MARCHF7: variants seen among roughly 807,000 people sequenced by gnomAD.
MARCHF7 encodes E3 ubiquitin-protein ligase MARCHF7.
In MARCHF7, 20 loss-of-function variants were observed where a neutral mutation model predicts 76.5. That is an observed-to-expected ratio of 0.26 (90% CI 0.18 to 0.38). The LOEUF (loss-of-function observed/expected upper bound fraction) is 0.38, where lower values mean the gene tolerates loss of function less well. Among genes scored for constraint, MARCHF7 ranks in the 10% least tolerant of loss-of-function variants. The pLI is 1.00. For synonymous variants in MARCHF7, 295 were observed against 293.0 expected, an observed-to-expected ratio of 1.01 and a Z score of -0.07; for missense variants, 797 against 812.9, an observed-to-expected ratio of 0.98 and a Z score of 0.24.
chr2:159,730,497 C>G (rs1702657466), intron 4 of MARCHF7, among the ~76,000 whole-genome samples: 1 of 152,192 alleles, frequency 6.6e-6, no homozygotes, highest in Non-Finnish European at 1.5e-5. Context: ...CTCATATCTA[C>G]TACCCATTTC....
intron 7 of MARCHF7, 65 bp from the exon 8 acceptor site, chr2:159,752,337 G>A (rs1305456059): frequency 7.1e-7 from 1 of 1,412,846 alleles, no homozygotes; most frequent in African/African-American, 1.5e-5. Context: ...TTGTGATTAT[G>A]TATGACTGAA....
intron 4 of MARCHF7, among the ~76,000 whole-genome samples, chr2:159,731,777 T>C (rs1054492684): frequency 6.0e-5 from 9 of 150,378 alleles, no homozygotes; most frequent in Non-Finnish European, 1.2e-4. Flanking sequence ...CCATTTCTTA[T>C]TATGTTAAAC....
chr2:159,760,724 T>C (rs78683264), intron 9 of MARCHF7, among the ~76,000 whole-genome samples: 13,595 of 151,806 alleles, frequency 0.09, 849 homozygotes, highest in Non-Finnish European at 0.14. Flanking sequence ...TGTTTTTGTT[T>C]TTGTTTTTGT....
At chr2:159,718,782 A>G (rs977113917) in intron 3 of MARCHF7, among the ~76,000 whole-genome samples, 2 of 152,072 alleles carry the variant, frequency 1.3e-5, no homozygotes, top group Non-Finnish European at 2.9e-5. Flanking sequence ...TTACTTTTTC[A>G]TAGTACCCCA....
At chr2:159,761,402 A>ATTTC (rs1707058893) in intron 9 of MARCHF7, among the ~76,000 whole-genome samples, 1 of 68,458 alleles carries the variant, frequency 1.5e-5, no homozygotes, top group Non-Finnish European at 3.0e-5. Flanking sequence ...TAAGTGAATC[A>ATTTC]TTTCTTTTTT....
intron 4 of MARCHF7, among the ~76,000 whole-genome samples, chr2:159,742,670 A>T (rs12468739): frequency 1.3e-5 from 2 of 152,134 alleles, no homozygotes; most frequent in Non-Finnish European, 2.9e-5. Context: ...GGTGGAGGCC[A>T]GGCACAGAGG....
chr2:159,734,440 AAGG>A (rs1703208167), intron 4 of MARCHF7, among the ~76,000 whole-genome samples: 1 of 152,130 alleles, frequency 6.6e-6, no homozygotes, highest in South Asian at 2.1e-4. Context: ...TGTAGTTTTC[AAGG>A]AAATAAATAC....
chr2:159,747,948 A>C lies in MARCHF7; in HGVS notation c.658A>C (p.Asn220His). 1 of 1,614,102 alleles carries C rather than the reference A, an allele frequency of 6.2e-7. No homozygotes were observed. The highest frequency in any genetic ancestry group is 8.5e-7 in the Non-Finnish European group (1 of 1,180,010). Residue 220 changes from asparagine (N) to histidine (H), a missense_variant, in exon 7 of 12, where the codon AAT (asparagine) becomes CAT (histidine). This residue lies in a region of MARCHF7 where 643 missense variants were observed against 631.5 expected (regional missense o/e 1.02). Coordinates refer to ENST00000409175, the MANE Select transcript of MARCHF7 (RefSeq NM_001282805.2). ...QTILSSRDSRNSLRSNFSSRE... is the reference protein window; with the variant it reads ...QTILSSRDSRHSLRSNFSSRE... ...CATACTAAGTTCTAGGGACTCCAGA[A>C]ATTCTTTAAGATCAAATTTTTCTTC...
At chr2:159,724,810 C>T (rs1188951170) in intron 3 of MARCHF7, among the ~76,000 whole-genome samples, 2 of 152,122 alleles carry the variant, frequency 1.3e-5, no homozygotes, top group African/African-American at 4.8e-5. Context: ...ATAGATATTT[C>T]TCTTAATGCC....
intron 11 of MARCHF7, among the ~76,000 whole-genome samples, chr2:159,765,039 G>T (rs1427055279): frequency 6.6e-6 from 1 of 151,952 alleles, no homozygotes; most frequent in African/African-American, 2.4e-5. Flanking sequence ...TTTCTGGTAA[G>T]AAATTTTACC....
rs1481702937 is a variant in MARCHF7, at chr2:159,748,616, AGCT to A, written c.1332_1334del (p.Ala445del). On this transcript the variant is annotated inframe_deletion, in exon 7 of 12. Coordinates refer to ENST00000409175, the MANE Select transcript of MARCHF7 (RefSeq NM_001282805.2). ...TTGAAGCACAGAATGATCCTCTTGG[AGCT>A]GCTGCCAACAGACCACAAGCATCTG... The A allele has an allele frequency of 6.2e-7, 1 of 1,614,122 alleles. No individual in the cohort carries two copies. Among genetic ancestry groups the A allele is most frequent in the African/African-American group, 1.3e-5 (1 of 74,942 alleles).
At chr2:159,714,153 A>C (rs1046614425) in intron 1 of MARCHF7, among the ~76,000 whole-genome samples, 3 of 152,218 alleles carry the variant, frequency 2.0e-5, no homozygotes, top group Non-Finnish European at 4.4e-5. Context: ...CACCTTACAC[A>C]ACTCTTTTAT....
intron 3 of MARCHF7, among the ~76,000 whole-genome samples, chr2:159,725,324 C>A (rs1163087778): frequency 5.9e-5 from 9 of 152,152 alleles, no homozygotes. Context: ...TCCTAATTCT[C>A]CACATCCTCT....
intron 3 of MARCHF7, among the ~76,000 whole-genome samples, chr2:159,720,485 C>T (rs982806757): frequency 1.3e-5 from 2 of 152,156 alleles, no homozygotes; most frequent in South Asian, 2.1e-4. Context: ...TCAAGCTTCT[C>T]TTTATTCAAA....
intron 11 of MARCHF7, among the ~76,000 whole-genome samples, chr2:159,765,282 A>T (rs1170922781): frequency 6.6e-6 from 1 of 151,930 alleles, no homozygotes; most frequent in Non-Finnish European, 1.5e-5. Flanking sequence ...AAATCTCTTA[A>T]GATCACATTC....
chr2:159,720,054 C>A (rs1701463808), intron 3 of MARCHF7, among the ~76,000 whole-genome samples: 2 of 152,100 alleles, frequency 1.3e-5, no homozygotes, highest in Non-Finnish European at 2.9e-5. Flanking sequence ...AAGATGGAGT[C>A]TTGCTCTGTT....
intron 4 of MARCHF7, among the ~76,000 whole-genome samples, chr2:159,729,431 C>T (rs1239715950): frequency 6.6e-6 from 1 of 152,084 alleles, no homozygotes; most frequent in Admixed American, 6.6e-5. Flanking sequence ...AGCACTTTGG[C>T]AGGCTGAGAC....
chr2:159,756,523 C>T (rs1164544019), intron 8 of MARCHF7, among the ~76,000 whole-genome samples: 4 of 151,768 alleles, frequency 2.6e-5, no homozygotes, highest in African/African-American at 7.3e-5. Context: ...CCCGTCTCTA[C>T]TGAAAATACA....
chr2:159,767,313 G>A lies in MARCHF7; in HGVS notation c.2086G>A (p.Asp696Asn), dbSNP rs746382223. 6.2e-7 allele frequency: 1 copy of A among 1,611,552 alleles called. No homozygotes were observed. Among genetic ancestry groups the A allele is most frequent in the Non-Finnish European group, 8.5e-7 (1 of 1,178,318 alleles). Residue 696 changes from aspartate to asparagine, a missense_variant, in exon 12 of 12, where the codon GAC becomes AAC. Around this residue, in one of 3 missense-constraint regions of MARCHF7, gnomAD observed 124 missense variants for 121.3 expected, o/e 1.02. Transcript: ENST00000409175. ...TSEDDSEEDG[D>N]HNRTFDIA is the part of the protein sequence containing the mutation. ...AGAGGATGATTCCGAAGAAGACGGA[G>A]ACCATAACAGGACATTTGATATTGC...
Sources: allele counts gnomAD v4.1 joint callset (sites outside exome capture counted in the v4.1 genomes callset), GRCh38; gene constraint gnomAD v4.1.1; regional missense constraint gnomAD v4.1.1; transcripts MANE v1.5; gene names NCBI Gene and HGNC (gene_info 2026-07-23, HGNC 2026-07-21).